RASAL2: variants seen among roughly 807,000 people sequenced by gnomAD.
RASAL2 encodes ras GTPase-activating protein nGAP.
In RASAL2, 58 loss-of-function variants were observed where a neutral mutation model predicts 128.9. That is an observed-to-expected ratio of 0.45 (90% CI 0.36 to 0.56). The LOEUF (loss-of-function observed/expected upper bound fraction) is 0.56. Ranked by LOEUF, RASAL2 falls within the 20% of genes least tolerant of loss-of-function variation. The pLI is 0.00. For synonymous variants in RASAL2, 561 were observed against 580.8 expected (o/e 0.97, Z 0.49); for missense variants, 1,360 against 1,601.6 (o/e 0.85, Z 2.57).
intron 1 of RASAL2, among the ~76,000 whole-genome samples, chr1:178,219,606 A>G (rs1663546543): frequency 1.3e-5 from 2 of 151,186 alleles, no homozygotes; most frequent in South Asian, 4.2e-4. Context: ...CTCTAGCCTA[A>G]GTGACAGAGT....
chr1:178,466,279 A>G (rs966845692), intron 16 of RASAL2, among the ~76,000 whole-genome samples, 157 bp downstream of exon 16: 3 of 152,206 alleles, frequency 2.0e-5, no homozygotes, highest in Admixed American at 2.0e-4. Flanking sequence ...AATATCCTAA[A>G]TATGAGACCT....
chr1:178,446,632 G>A (rs183393917), intron 9 of RASAL2, among the ~76,000 whole-genome samples: 9 of 152,250 alleles, frequency 5.9e-5, no homozygotes, highest in Non-Finnish European at 7.4e-5. Context: ...CAACAGCCAC[G>A]TGTGACTATC....
At chr1:178,395,793 T>TATAGATATA (rs879578177) in intron 4 of RASAL2, among the ~76,000 whole-genome samples, 1 of 124,602 alleles carries the variant, frequency 8.0e-6, no homozygotes, top group Non-Finnish European at 1.7e-5. Flanking sequence ...ATATATATAT[T>TATAGATATA]TATTTATTCA....
intron 3 of RASAL2, among the ~76,000 whole-genome samples, chr1:178,313,982 T>C (rs1040387242): frequency 1.9e-4 from 29 of 152,330 alleles, no homozygotes; most frequent in African/African-American, 6.3e-4. Flanking sequence ...GAAGATATTT[T>C]CTTCTCTTTG....
intron 3 of RASAL2, among the ~76,000 whole-genome samples, chr1:178,309,815 C>G (rs1245558400): frequency 1.3e-5 from 2 of 152,050 alleles, no homozygotes; most frequent in Non-Finnish European, 2.9e-5. Context: ...CCTAAAGTTT[C>G]CTTGTGGTAG....
rs200934374 is a variant in RASAL2, at chr1:178,162,571, AAT to A, written c.202+67885_202+67886del. Among the ~76,000 whole-genome samples, 727 of 126,690 alleles carry A rather than the reference AAT, an allele frequency of 5.7e-3. 3 individuals are homozygous for A. Among genetic ancestry groups the A allele is most frequent in the Admixed American group, 0.017 (194 of 11,160 alleles). 83.1% of individuals were successfully genotyped at this position (126,690 alleles called of 152,430 possible). Reference sequence around the variant, plus strand: ...ATATATATAATATATCTTTATATAAAATATATATAATATATATTTTATATATA... The same window carrying A: ...ATATATATAATATATCTTTATATAAAATATATAATATATATTTTATATATA... On this transcript the variant is annotated intron_variant, in intron 1 of 17. Coordinates refer to ENST00000367649, the MANE Select transcript of RASAL2 (RefSeq NM_170692.4).
Position 178,458,182 on chromosome 1 carries a change from C to T in RASAL2, c.2890C>T (p.Leu964Phe), listed in dbSNP as rs1677914685. ...RSQSNSEDFK[L>F]SGPSNSSMED... ...CCAAAGTAACAGTGAAGACTTCAAG[C>T]TCAGTGGACCCAGCAATAGCAGCAT... Residue 964 changes from leucine (L) to phenylalanine (F), a missense_variant, in exon 14 of 18, where the codon CTC becomes TTC. Coordinates refer to ENST00000367649, the MANE Select transcript of RASAL2 (RefSeq NM_170692.4). 3.7e-6 allele frequency: 6 copies of T among 1,614,256 alleles called. No homozygotes were observed. In the African/African-American group the frequency reaches 4.0e-5, roughly 11 times the overall value.
At chr1:178,434,155 G>A (rs1323101616) in intron 5 of RASAL2, among the ~76,000 whole-genome samples, 3 of 151,996 alleles carry the variant, frequency 2.0e-5, no homozygotes, top group Non-Finnish European at 2.9e-5. Context: ...TGTTTATATT[G>A]AATTTGTTTA....
At chr1:178,249,339 G>A (rs566758136) in intron 1 of RASAL2, among the ~76,000 whole-genome samples, 1 of 151,668 alleles carries the variant, frequency 6.6e-6, no homozygotes, top group Non-Finnish European at 1.5e-5. Flanking sequence ...TTCAGCTATA[G>A]ATACTTGTGT....
intron 17 of RASAL2, among the ~76,000 whole-genome samples, chr1:178,469,289 C>T (rs1648042101): frequency 6.6e-6 from 1 of 151,832 alleles, no homozygotes; most frequent in African/African-American, 2.4e-5. Context: ...AAAGTGAGAC[C>T]CTGTCTTGAA....
intron 1 of RASAL2, among the ~76,000 whole-genome samples, chr1:178,248,629 T>C (rs1333957554): frequency 6.6e-6 from 1 of 152,238 alleles, no homozygotes; most frequent in Admixed American, 6.5e-5. Context: ...TGATGCAGTT[T>C]CTTTATAGTG....
intron 3 of RASAL2, among the ~76,000 whole-genome samples, chr1:178,314,629 AT>A (rs966198448): frequency 1.6e-4 from 25 of 151,598 alleles, no homozygotes; most frequent in East Asian, 1.9e-4. Flanking sequence ...TGTTTACAAT[AT>A]TTTTTTTGAC....
intron 1 of RASAL2, among the ~76,000 whole-genome samples, chr1:178,267,050 C>G (rs370114037): frequency 4.6e-5 from 7 of 152,228 alleles, no homozygotes; most frequent in African/African-American, 9.6e-5. Context: ...GAAGCTGCTT[C>G]GAAAGAGACA....
chr1:178,216,576 C>G (rs557106232), intron 1 of RASAL2, among the ~76,000 whole-genome samples: 55 of 152,194 alleles, frequency 3.6e-4, no homozygotes, highest in South Asian at 1.2e-3. Context: ...TCCATTGACT[C>G]TTATCTAATG....
chr1:178,405,148 C>G (rs1473546363), intron 4 of RASAL2, among the ~76,000 whole-genome samples: 1 of 152,140 alleles, frequency 6.6e-6, no homozygotes, highest in African/African-American at 2.4e-5. Flanking sequence ...GGGGATTTGG[C>G]AAGATTACAT....
chr1:178,206,406 G>T (rs555373110), intron 1 of RASAL2, among the ~76,000 whole-genome samples: 3 of 152,186 alleles, frequency 2.0e-5, no homozygotes, highest in Non-Finnish European at 4.4e-5. Flanking sequence ...GATAATAGGT[G>T]TGACACTTGA....
chr1:178,134,011 TTTTTTATCTA>T (rs1660217841), intron 1 of RASAL2, among the ~76,000 whole-genome samples: 6 of 151,864 alleles, frequency 4.0e-5, no homozygotes, highest in Non-Finnish European at 7.3e-5. Context: ...GATACTTAAA[TTTTTTATCTA>T]TTGCTGTATA....
rs535453277 is a variant in RASAL2, at chr1:178,111,471, A to G, written c.202+16777A>G. Among the ~76,000 whole-genome samples, 8 of 152,294 alleles carry G rather than the reference A, an allele frequency of 5.3e-5. 1 individual carries two copies. In the South Asian group the frequency reaches 1.5e-3, roughly 28 times the overall value. On this transcript the variant is annotated intron_variant, in intron 1 of 17. Coordinates refer to ENST00000367649, the MANE Select transcript of RASAL2 (RefSeq NM_170692.4). Reference sequence around the variant, plus strand: ...TAAGTGGTTGTACCGTTTTCCCACTAGCAGTGTGTGGCAGGTTCCATTATC... The same window carrying G: ...TAAGTGGTTGTACCGTTTTCCCACTGGCAGTGTGTGGCAGGTTCCATTATC...
intron 1 of RASAL2, among the ~76,000 whole-genome samples, chr1:178,099,790 G>A (rs1157116551): frequency 2.6e-5 from 4 of 151,920 alleles, no homozygotes; most frequent in East Asian, 1.9e-4. Context: ...GTGAAACCCC[G>A]TTTCTACTAA....
Sources: allele counts gnomAD v4.1 joint callset (sites outside exome capture counted in the v4.1 genomes callset), GRCh38; gene constraint gnomAD v4.1.1; transcripts MANE v1.5; gene names NCBI Gene and HGNC (gene_info 2026-07-23, HGNC 2026-07-21).